Variants in ATXN2 observed in about 807,000 individuals in gnomAD.
ATXN2 encodes the protein ataxin-2.
A neutral mutation model predicts 138.6 loss-of-function variants in ATXN2; 37 were observed. The observed-to-expected ratio is 0.27, with a 90% CI of 0.21 to 0.35. The LOEUF is 0.35. ATXN2 is among the 10% of genes least tolerant of loss of function. The pLI is 1.00. For missense variants in ATXN2, 1,216 were observed against 1,480.3 expected (o/e 0.82, Z 2.93); for synonymous variants, 549 against 543.7 (o/e 1.01, Z -0.13).
At chr12:111,570,257 G>A (rs966876010) in intron 1 of ATXN2, among the ~76,000 whole-genome samples, 1 of 152,002 alleles carries the variant, frequency 6.6e-6, no homozygotes, top group African/African-American at 2.4e-5. Flanking sequence ...TCCCTTTCTG[G>A]AGGCCACAAA....
At chr12:111,535,999 CAAA>C (rs766582583) in intron 5 of ATXN2, among the ~76,000 whole-genome samples, 3 of 65,834 alleles carry the variant, frequency 4.6e-5, no homozygotes, top group East Asian at 5.5e-4. Context: ...GACTCCGTCT[CAAA>C]AAAAAAAAAA....
At chr12:111,561,831 A>G (rs1882704578) in intron 1 of ATXN2, among the ~76,000 whole-genome samples, 1 of 151,504 alleles carries the variant, frequency 6.6e-6, no homozygotes. Flanking sequence ...GTTTTTTTTG[A>G]GACAGAGTCT....
At chr12:111,539,513 C>T (rs1012985308) in intron 5 of ATXN2, among the ~76,000 whole-genome samples, 4 of 149,960 alleles carry the variant, frequency 2.7e-5, no homozygotes, top group African/African-American at 9.7e-5. Context: ...TTTGGGAGGC[C>T]GAGGCGGATG....
intron 2 of ATXN2, 24 bp from the exon 3 acceptor site, chr12:111,554,241 ACTATT>A: frequency 2.3e-5 from 30 of 1,283,322 alleles, no homozygotes; most frequent in Non-Finnish European, 2.7e-5. Context: ...AAAAAAAAAA[ACTATT>A]AGAAATTAGT....
Position 111,510,420 on chromosome 12 carries a change from G to C in ATXN2, c.1721C>G (p.Pro574Arg), listed in dbSNP as rs1879435029. ...AGGGGTAACAGCTCTGTTCGATGCA[G>C]GACTAGCAGGCGTAGGAGATGCAGC... ...IPAASPTPASPASNRAVTPSS... is the reference protein window; with the variant it reads ...IPAASPTPASRASNRAVTPSS... The change falls in exon 12 of 25, where the codon CCT (proline) becomes CGT (arginine). Residue 574 changes from proline (P) to arginine (R), a missense_variant. Transcript: ENST00000673436. 1 of 1,614,112 alleles carries C rather than the reference G, an allele frequency of 6.2e-7. No homozygotes were observed. Among genetic ancestry groups the C allele is most frequent in the Non-Finnish European group, 8.5e-7 (1 of 1,180,022 alleles).
At chr12:111,555,154 GA>G (rs538534522) in intron 2 of ATXN2, among the ~76,000 whole-genome samples, 1 of 151,930 alleles carries the variant, frequency 6.6e-6, no homozygotes, top group East Asian at 1.9e-4. Context: ...GAAAGCAGCA[GA>G]AAAAAAGCAC....
intron 1 of ATXN2, among the ~76,000 whole-genome samples, chr12:111,585,328 T>A (rs1441699155): frequency 7.7e-5 from 11 of 142,522 alleles, no homozygotes; most frequent in East Asian, 4.4e-4. Context: ...GCCTGGCCAA[T>A]ATGGCAAAAC....
At chr12:111,472,819 C>G (rs1876508866) in intron 18 of ATXN2, among the ~76,000 whole-genome samples, 1 of 152,092 alleles carries the variant, frequency 6.6e-6, no homozygotes, top group African/African-American at 2.4e-5. Flanking sequence ...GGTGATCTGC[C>G]CACCTCTGCC....
Position 111,598,302 on chromosome 12 carries a change from C to T in ATXN2, c.251+482G>A, listed in dbSNP as rs1885041569. On this transcript the variant is annotated intron_variant, in intron 1 of 24. Transcript: ENST00000673436. The surrounding 1 kb of genome is among the most constrained non-coding windows in gnomAD (Gnocchi z 4.5). ...TTTAACCGGCACGGGGGACGCGGCC[C>T]TAACTTCTCCCCTCCAGAGATGTCC... The T allele has an allele frequency of 1.4e-5, 14 of 1,003,230 alleles. No homozygotes were observed. The highest frequency in any genetic ancestry group is 1.7e-5 in the Non-Finnish European group (14 of 840,422). The allele number at this position is 1,003,230 out of a possible 1,614,324, so 62.1% of individuals were successfully genotyped here.
At chr12:111,584,908 G>GT (rs1255618182) in intron 1 of ATXN2, among the ~76,000 whole-genome samples, 1 of 152,038 alleles carries the variant, frequency 6.6e-6, no homozygotes, top group African/African-American at 2.4e-5. Flanking sequence ...GGCAGATCGG[G>GT]CCATTGCACT....
rs71083183 is a variant in ATXN2 at position 111,592,782 on chromosome 12, C to CAAAAAAAAAAAAAAAAAAAAAAAAAAAAA, written c.251+6001_251+6002insTTTTTTTTTTTTTTTTTTTTTTTTTTTTT. 3.8e-4 allele frequency among the ~76,000 whole-genome samples: 10 copies of CAAAAAAAAAAAAAAAAAAAAAAAAAAAAA among 26,030 alleles called. 1 individual carries two copies. Among genetic ancestry groups the CAAAAAAAAAAAAAAAAAAAAAAAAAAAAA allele is most frequent in the Non-Finnish European group, 5.8e-4 (7 of 12,078 alleles). 17.1% of individuals were successfully genotyped at this position (26,030 alleles called of 152,430 possible). A position where few individuals can be genotyped will look rare whatever the true frequency, so the allele number is the denominator to read the frequency against. On this transcript the variant is annotated intron_variant, in intron 1 of 24. Coordinates refer to ENST00000673436, the MANE Select transcript of ATXN2 (RefSeq NM_001372574.1). The stretch of plus-strand genomic sequence containing the variant: ...TGGGCGACAGAGCAAGACTCCGTCT[C>CAAAAAAAAAAAAAAAAAAAAAAAAAAAAA]AAAAAAAAAAAAAAAAAAAAAAGAT...
At chr12:111,599,543 TG>T (rs1885163748), upstream of ATXN2, 1 of 1,193,052 alleles carries the variant, frequency 8.4e-7, no homozygotes, top group Non-Finnish European at 1.0e-6. Flanking sequence ...AGGCGCCGGG[TG>T]GGAGCGGAGG....
chr12:111,458,165 TGA>T (rs1875270207), intron 21 of ATXN2: 2 of 150,134 alleles, frequency 1.3e-5, no homozygotes, highest in African/African-American at 5.1e-5. Context: ...TGTTTTTTTT[TGA>T]GATATAAGTC....
intron 1 of ATXN2, among the ~76,000 whole-genome samples, chr12:111,575,408 A>G (rs1423469279): frequency 6.6e-6 from 1 of 151,972 alleles, no homozygotes; most frequent in Non-Finnish European, 1.5e-5. Flanking sequence ...CCTGGTCTTG[A>G]ACTCCTGGCC....
At chr12:111,513,689 A>C in intron 10 of ATXN2, 150 bp from the exon 11 acceptor site, 1 of 622,230 alleles carries the variant, frequency 1.6e-6, no homozygotes, top group Non-Finnish European at 2.4e-6. Flanking sequence ...AAAAAACACC[A>C]TACATATTTT....
In ATXN2 at chr12:111,543,609, G is replaced by T. The variant is rs1029323272; in HGVS notation, c.571+8671C>A. ...CCAGCACACCAGGCTAATTTTTTTT[G>T]TAAAATCTAGACAATTATTTGCATC... On this transcript the variant is annotated intron_variant, in intron 5 of 24. Coordinates refer to ENST00000673436, the MANE Select transcript of ATXN2 (RefSeq NM_001372574.1). Among the ~76,000 whole-genome samples, 3 of 151,964 alleles carry T rather than the reference G, an allele frequency of 2.0e-5. No individual in the cohort carries two copies. In the Middle Eastern group the frequency reaches 0.01, roughly 517 times the overall value.
At chr12:111,559,721 C>G (rs1882572302) in intron 1 of ATXN2, among the ~76,000 whole-genome samples, 1 of 146,648 alleles carries the variant, frequency 6.8e-6, no homozygotes, top group African/African-American at 2.5e-5. Flanking sequence ...TCCAGTGAGC[C>G]GAGATCGTGC....
intron 10 of ATXN2, among the ~76,000 whole-genome samples, chr12:111,514,496 A>G (rs1266224931): frequency 6.6e-6 from 1 of 152,114 alleles, no homozygotes. Flanking sequence ...AGAACTTCAA[A>G]TTAATATATG....
intron 5 of ATXN2, among the ~76,000 whole-genome samples, chr12:111,537,778 T>G (rs1368587562): frequency 6.6e-6 from 1 of 151,950 alleles, no homozygotes; most frequent in Non-Finnish European, 1.5e-5. Flanking sequence ...ATTGTAGTGA[T>G]GGTTGCACAA....
Sources: allele counts gnomAD v4.1 joint callset (sites outside exome capture counted in the v4.1 genomes callset), GRCh38; gene constraint gnomAD v4.1.1; non-coding constraint Gnocchi (gnomAD v3.1); transcripts MANE v1.5; gene names NCBI Gene and HGNC (gene_info 2026-07-23, HGNC 2026-07-21).